The following CALCOCO2 variants were observed in gnomAD, a reference collection of about 807,000 sequenced individuals.
The protein encoded by CALCOCO2 is calcium binding and coiled-coil domain 2.
Under a neutral mutation model 62.5 loss-of-function variants are expected in CALCOCO2, and 42 were observed. That is an observed-to-expected ratio of 0.67 (90% CI 0.53 to 0.87). The LOEUF (loss-of-function observed/expected upper bound fraction) is 0.87. Among genes scored for constraint, CALCOCO2 ranks in the 40% least tolerant of loss-of-function variants. The pLI, the probability that CALCOCO2 is intolerant of heterozygous loss-of-function variation, is 0.00. For missense variants in CALCOCO2, 456 were observed against 515.0 expected (o/e 0.89, Z 1.11); for synonymous variants, 167 against 173.0 (o/e 0.97, Z 0.27).
chr17:48,862,404 A>G, intron 12 of CALCOCO2, 100 bp downstream of exon 12: 1 of 855,756 alleles, frequency 1.2e-6, no homozygotes, highest in South Asian at 1.3e-5. Flanking sequence ...GTTCATTTTG[A>G]TAACTCCAGA....
chr17:48,841,689 T>G lies in CALCOCO2; in HGVS notation c.-10-9T>G, dbSNP rs753819624. 6.3e-7 allele frequency: 1 copy of G among 1,592,540 alleles called. No homozygotes were observed. The highest frequency in any genetic ancestry group is 1.7e-5 in the Admixed American group (1 of 57,772). ...TCTGAGCCTTACTCTGTTCCACATT[T>G]CATAACAGGACCCCTACCATGGAGG... On this transcript the variant is annotated splice_polypyrimidine_tract_variant and intron_variant, in intron 1 of 12. Coordinates refer to ENST00000258947, the MANE Select transcript of CALCOCO2 (RefSeq NM_005831.5).
At chr17:48,848,662 CT>C in intron 4 of CALCOCO2, 2 of 613,254 alleles carry the variant, frequency 3.3e-6, no homozygotes, top group Non-Finnish European at 5.8e-6. Context: ...TTTTCTAAAA[CT>C]TCTTTAACTC....
intron 4 of CALCOCO2, chr17:48,848,894 G>A (rs2040088807): frequency 6.3e-6 from 3 of 477,304 alleles, no homozygotes; most frequent in Non-Finnish European, 1.2e-5. Flanking sequence ...CCAGCACTAT[G>A]GTAGGCACTG....
chr17:48,836,046 C>T (rs1051940237), intron 1 of CALCOCO2, among the ~76,000 whole-genome samples: 55 of 152,156 alleles, frequency 3.6e-4, no homozygotes, highest in Admixed American at 1.8e-3. Context: ...CCACGGCACA[C>T]GGCCAGATTG....
chr17:48,852,731 C>T, intron 8 of CALCOCO2, 103 bp downstream of exon 8: 1 of 1,198,066 alleles, frequency 8.3e-7, no homozygotes, highest in South Asian at 1.4e-5. Context: ...ACCTGGATGT[C>T]ACTGGCTTTA....
intron 1 of CALCOCO2, among the ~76,000 whole-genome samples, chr17:48,833,553 AAAAAAAAAAGAAAG>A (rs1292645091): frequency 1.3e-5 from 2 of 151,696 alleles, no homozygotes; most frequent in African/African-American, 4.9e-5. Flanking sequence ...TCTCAAAAAA[AAAAAAAAAAGAAAG>A]AAAAAAAGTA....
intron 2 of CALCOCO2, chr17:48,846,516 TGGCTA>T (rs1422040520): frequency 7.1e-7 from 1 of 1,412,808 alleles, no homozygotes; most frequent in East Asian, 2.5e-5. Context: ...AAATTGCAGG[TGGCTA>T]GAAGTTGTTT....
intron 2 of CALCOCO2, among the ~76,000 whole-genome samples, chr17:48,844,964 C>T (rs2040026315): frequency 1.3e-5 from 2 of 151,980 alleles, no homozygotes; most frequent in Admixed American, 1.3e-4. Flanking sequence ...GGTGAAACCC[C>T]ATCTCTACTA....
intron 2 of CALCOCO2, among the ~76,000 whole-genome samples, chr17:48,845,135 C>CAA (rs200605957): frequency 6.7e-6 from 1 of 150,124 alleles, no homozygotes; most frequent in Non-Finnish European, 1.5e-5. Flanking sequence ...GACTCCATCT[C>CAA]AAAAAAAAAA....
chr17:48,860,563 G>A, intron 11 of CALCOCO2, 114 bp downstream of exon 11: 1 of 879,402 alleles, frequency 1.1e-6, no homozygotes, highest in Admixed American at 2.3e-5. Context: ...AGACTTGCTG[G>A]GCAGAAGCTG....
intron 10 of CALCOCO2, chr17:48,856,639 G>GCATT (rs72437948): frequency 4.5e-4 from 200 of 447,602 alleles, no homozygotes; most frequent in African/African-American, 1.6e-3. Context: ...TAAATGCTGT[G>GCATT]CATTCATTCA....
At chr17:48,848,961 A>G (rs1450029819) in intron 4 of CALCOCO2, 2 of 433,292 alleles carry the variant, frequency 4.6e-6, no homozygotes, top group Non-Finnish European at 8.8e-6. Context: ...AGCTAAGTCC[A>G]TTGGGAGAGA....
At chr17:48,844,330 A>G (rs1032637498) in intron 2 of CALCOCO2, among the ~76,000 whole-genome samples, 11 of 152,188 alleles carry the variant, frequency 7.2e-5, no homozygotes, top group African/African-American at 2.7e-4. Context: ...AACGTAGTTT[A>G]TAACGTCTTT....
intron 10 of CALCOCO2, among the ~76,000 whole-genome samples, chr17:48,858,034 G>GAA (rs1264020357): frequency 0.077 from 1,831 of 23,772 alleles, 26 homozygotes; most frequent in East Asian, 0.17. Flanking sequence ...GAATAGAATA[G>GAA]AATAGAATAG....
chr17:48,856,299 G>C, intron 10 of CALCOCO2, 112 bp downstream of exon 10: 1 of 600,166 alleles, frequency 1.7e-6, no homozygotes, highest in East Asian at 2.7e-5. Flanking sequence ...TGGGACAGTG[G>C]GTGAAACAGT....
intron 4 of CALCOCO2, chr17:48,848,918 G>A: frequency 2.1e-6 from 1 of 473,930 alleles, no homozygotes. Context: ...ACACAATGAA[G>A]AATCAGTTAA....
At chr17:48,860,085 CT>C (rs1316041559) in intron 10 of CALCOCO2, among the ~76,000 whole-genome samples, 1 of 152,164 alleles carries the variant, frequency 6.6e-6, no homozygotes, top group African/African-American at 2.4e-5. Context: ...CAGAGCAAGA[CT>C]CTGACTCAAA....
At chr17:48,834,193 T>C (rs1289357246) in intron 1 of CALCOCO2, among the ~76,000 whole-genome samples, 1 of 151,568 alleles carries the variant, frequency 6.6e-6, no homozygotes, top group African/African-American at 2.4e-5. Context: ...AGAGGATCTA[T>C]GTCCTCATGG....
intron 10 of CALCOCO2, among the ~76,000 whole-genome samples, chr17:48,857,978 A>AATTGAATTGAATT (rs1567758982): frequency 8.8e-4 from 21 of 23,892 alleles, no homozygotes; most frequent in South Asian, 1.9e-3. Flanking sequence ...CTACATCAAT[A>AATTGAATTGAATT]GAATAGAATA....
Sources: allele counts gnomAD v4.1 joint callset (sites outside exome capture counted in the v4.1 genomes callset), GRCh38; gene constraint gnomAD v4.1.1; transcripts MANE v1.5; gene names NCBI Gene and HGNC (gene_info 2026-07-23, HGNC 2026-07-21).